PLXNA2: variants seen among roughly 807,000 people sequenced by gnomAD.
PLXNA2 encodes the protein plexin A2, also known as plexin-A2.
PLXNA2 carries 91 observed loss-of-function variants against 193.5 expected under a neutral mutation model. That is an observed-to-expected ratio of 0.47 (90% CI 0.40 to 0.56). PLXNA2 has a LOEUF of 0.56. PLXNA2 is among the 20% of genes least tolerant of loss of function. The pLI is 0.00. For missense variants in PLXNA2, 1,995 were observed against 2,503.2 expected (o/e 0.80, Z 4.33); for synonymous variants, 997 against 1,027.3 (o/e 0.97, Z 0.56).
At chr1:208,030,442 G>A (rs1425028299) in intron 29 of PLXNA2, 2 of 985,500 alleles carry the variant, frequency 2.0e-6, no homozygotes, top group African/African-American at 3.5e-5. Flanking sequence ...AAAGGGGACA[G>A]GCATGTGCTG....
chr1:208,157,906 C>A lies in PLXNA2; in HGVS notation c.1372-15443G>T, dbSNP rs544511951. 5.9e-5 allele frequency among the ~76,000 whole-genome samples: 9 copies of A among 152,310 alleles called. No homozygotes were observed. In the South Asian group the frequency reaches 1.7e-3, roughly 28 times the overall value. Reference sequence around the variant, plus strand: ...GGCAAGACTGTTTGGCAGAAAGCCCCATCTTCAGGCCACAGAGGAGACTCA... The same window carrying A: ...GGCAAGACTGTTTGGCAGAAAGCCCAATCTTCAGGCCACAGAGGAGACTCA... On this transcript the variant is annotated intron_variant, in intron 3 of 31. Coordinates refer to ENST00000367033, the MANE Select transcript of PLXNA2 (RefSeq NM_025179.4).
At chr1:208,226,848 G>A (rs531629704) in intron 1 of PLXNA2, among the ~76,000 whole-genome samples, 1 of 152,384 alleles carries the variant, frequency 6.6e-6, no homozygotes, top group Admixed American at 6.5e-5. Context: ...GGGAGGGTCA[G>A]GAAGGAGCCC....
intron 12 of PLXNA2, among the ~76,000 whole-genome samples, chr1:208,070,178 C>T (rs1056016917): frequency 3.9e-5 from 6 of 152,266 alleles, no homozygotes; most frequent in Non-Finnish European, 8.8e-5. Context: ...CAGCCCCTTT[C>T]CCTTTCTTCC....
Position 208,034,618 on chromosome 1 carries a change from A to G in PLXNA2, c.4765-26T>C, listed in dbSNP as rs951993069. On this transcript the variant is annotated intron_variant, in intron 26 of 31. Transcript: ENST00000367033. Reference sequence around the variant, plus strand: ...CTGAGAAGGGTACAAAAGGTACAGTACAAAAGGTGAATGTAGGTGTCTTGG... The same window carrying G: ...CTGAGAAGGGTACAAAAGGTACAGTGCAAAAGGTGAATGTAGGTGTCTTGG... 1.1e-5 allele frequency: 16 copies of G among 1,445,524 alleles called. No individual in the cohort carries two copies. The East Asian group carries it at 3.6e-4, about 33-fold the overall frequency. 89.5% of individuals were successfully genotyped at this position (1,445,524 alleles called of 1,614,324 possible). A position where few individuals can be genotyped will look rare whatever the true frequency, so the allele number is the denominator to read the frequency against.
rs34853346 is a variant in PLXNA2 at position 208,128,695 on chromosome 1, CTTTTTTTTTTTTT to C, written c.1506+13621_1506+13633del. 9.4e-3 allele frequency among the ~76,000 whole-genome samples: 770 copies of C among 81,734 alleles called. 7 individuals are homozygous for C. The highest frequency in any genetic ancestry group is 0.027 in the African/African-American group (588 of 21,994). The allele number at this position is 81,734 out of a possible 152,430, so 53.6% of individuals were successfully genotyped here. On this transcript the variant is annotated intron_variant, in intron 4 of 31. Transcript: ENST00000367033. The stretch of plus-strand genomic sequence containing the variant: ...TCCAACAAGTGTTTCCTGTTTCTTT[CTTTTTTTTTTTTT>C]TTTTTTTTTTTGGGATGGAGTCTCT...
intron 3 of PLXNA2, among the ~76,000 whole-genome samples, chr1:208,168,602 C>T (rs868214503): frequency 2.0e-5 from 3 of 152,116 alleles, no homozygotes; most frequent in South Asian, 2.1e-4. Flanking sequence ...TACAGCTAGC[C>T]TGGGATATAA....
At position 208,210,391 on chromosome 1, in the gene PLXNA2, C is replaced by A. The variant is rs1461400159; in HGVS notation, c.1260G>T (p.Glu420Asp). The A allele has an allele frequency of 1.2e-6, 2 of 1,613,922 alleles. No homozygotes were observed. Among genetic ancestry groups the A allele is most frequent in the African/African-American group, 2.7e-5 (2 of 74,906 alleles). ...TGCTGGTGGTGTACAGGGTCAGGCC[C>A]TCCACTGGAGTTGAGCCTCCCAGGG... Reference protein sequence around the residue: ...NQPLGGSTPVEGLTLYTTSRD... With the variant: ...NQPLGGSTPVDGLTLYTTSRD... Residue 420 changes from glutamate to aspartate, a missense_variant, in exon 3 of 32, where the codon GAG (glutamate) becomes GAT (aspartate). Physicochemically the swap from Glu to Asp is conservative, Grantham distance 45 (BLOSUM62 2). Around this residue, in one of 3 missense-constraint regions of PLXNA2, gnomAD observed 702 missense variants for 812.9 expected, o/e 0.86. Transcript: ENST00000367033.
intron 3 of PLXNA2, among the ~76,000 whole-genome samples, chr1:208,199,109 A>C (rs1572023783): frequency 6.6e-6 from 1 of 152,226 alleles, no homozygotes; most frequent in Non-Finnish European, 1.5e-5. Context: ...GTAAGACTTG[A>C]GGGTCCCAAT....
intron 3 of PLXNA2, among the ~76,000 whole-genome samples, chr1:208,190,545 G>T (rs561467265): frequency 7.2e-5 from 11 of 152,214 alleles, no homozygotes; most frequent in Non-Finnish European, 1.6e-4. Context: ...GTCAACCTCA[G>T]TACTATCGAC....
chr1:208,129,008 A>T (rs1400150301), intron 4 of PLXNA2, among the ~76,000 whole-genome samples: 10 of 152,162 alleles, frequency 6.6e-5, no homozygotes, highest in Admixed American at 6.5e-4. Flanking sequence ...GTGTTTCTTG[A>T]GTACCTACTA....
At chr1:208,107,748 C>T (rs1356376829) in intron 4 of PLXNA2, among the ~76,000 whole-genome samples, 1 of 152,118 alleles carries the variant, frequency 6.6e-6, no homozygotes, top group African/African-American at 2.4e-5. Context: ...ATGCCTGAGG[C>T]TCCTTGGCCC....
intron 4 of PLXNA2, among the ~76,000 whole-genome samples, chr1:208,110,764 C>G (rs979920037): frequency 2.0e-5 from 3 of 152,166 alleles, no homozygotes; most frequent in African/African-American, 7.2e-5. Flanking sequence ...GGGGTCCAGA[C>G]AGACAGAGGC....
intron 3 of PLXNA2, among the ~76,000 whole-genome samples, chr1:208,152,281 C>T (rs548109268): frequency 2.6e-5 from 4 of 152,350 alleles, no homozygotes; most frequent in East Asian, 1.9e-4. Context: ...CACACACACA[C>T]GTGGCATGTG....
chr1:208,166,220 C>T (rs1669302841), intron 3 of PLXNA2, among the ~76,000 whole-genome samples: 1 of 152,212 alleles, frequency 6.6e-6, no homozygotes, highest in Admixed American at 6.5e-5. Context: ...GAGTTCCATT[C>T]CCAGTCACAG....
Position 208,027,227 on chromosome 1 carries a change from T to C in PLXNA2, c.*16A>G, listed in dbSNP as rs1362702802. ...TTGGACAGGTCCCTCTTCCCAGGAA[T>C]GCGAGGCTCCTCCTCTCAGCTCTCA... On this transcript the variant is annotated 3_prime_UTR_variant, in exon 32 of 32. Coordinates refer to ENST00000367033, the MANE Select transcript of PLXNA2 (RefSeq NM_025179.4). 6.2e-7 allele frequency: 1 copy of C among 1,605,496 alleles called. No individual in the cohort carries two copies. Among genetic ancestry groups the C allele is most frequent in the Non-Finnish European group, 8.5e-7 (1 of 1,173,128 alleles).
intron 4 of PLXNA2, among the ~76,000 whole-genome samples, chr1:208,132,353 C>A (rs1183510395): frequency 6.6e-6 from 1 of 152,160 alleles, no homozygotes; most frequent in Non-Finnish European, 1.5e-5. Flanking sequence ...CTTCTGCAGC[C>A]ACAGGGCAGC....
At chr1:208,128,238 T>G (rs941605084) in intron 4 of PLXNA2, among the ~76,000 whole-genome samples, 4 of 152,188 alleles carry the variant, frequency 2.6e-5, no homozygotes, top group Admixed American at 6.5e-5. Context: ...CTTATTCTTG[T>G]CTCATAAGAC....
At chr1:208,070,555 G>C (rs1052892855) in intron 12 of PLXNA2, among the ~76,000 whole-genome samples, 4 of 152,222 alleles carry the variant, frequency 2.6e-5, no homozygotes, top group Non-Finnish European at 4.4e-5. Context: ...CAGATTGACA[G>C]TTCTAATTTG....
chr1:208,199,226 G>A (rs1256360151), intron 3 of PLXNA2, among the ~76,000 whole-genome samples: 1 of 152,144 alleles, frequency 6.6e-6, no homozygotes, highest in Non-Finnish European at 1.5e-5. Context: ...TGTGGACTGA[G>A]GGCTCAGGGA....
Sources: gnomAD v4.1 joint callset for allele counts (sites outside exome capture counted in the v4.1 genomes callset) on GRCh38, gnomAD v4.1.1 for gene constraint, gnomAD v4.1.1 regional missense constraint, MANE v1.5 for transcripts, NCBI Gene and HGNC (gene_info 2026-07-23, HGNC 2026-07-21) for gene names.